BIN1: variants seen among roughly 807,000 people sequenced by gnomAD.
BIN1 encodes myc box-dependent-interacting protein 1.
Under a neutral mutation model 82.0 loss-of-function variants are expected in BIN1, and 53 were observed. That is an observed-to-expected ratio of 0.65 (90% CI 0.52 to 0.81). The LOEUF is 0.81. Among genes scored for constraint, BIN1 ranks in the 40% least tolerant of loss-of-function variants. The pLI is 0.00. For missense variants in BIN1, 642 were observed against 784.4 expected, an observed-to-expected ratio of 0.82 and a Z score of 2.17; for synonymous variants, 302 against 328.0, an observed-to-expected ratio of 0.92 and a Z score of 0.86.
At chr2:127,070,857 CA>C in intron 2 of BIN1, 41 bp from the exon 3 acceptor site, 1 of 1,579,016 alleles carries the variant, frequency 6.3e-7, no homozygotes, top group Non-Finnish European at 8.6e-7. Context: ...GGACTGGTGG[CA>C]CACCCAGTCC....
intron 2 of BIN1, among the ~76,000 whole-genome samples, chr2:127,074,293 AT>A (rs1686318262): frequency 6.6e-6 from 1 of 151,804 alleles, no homozygotes; most frequent in African/African-American, 2.4e-5. Flanking sequence ...ACACCCTGCC[AT>A]CCCCACACAC....
intron 1 of BIN1, among the ~76,000 whole-genome samples, chr2:127,087,091 TTC>T (rs1318510269): frequency 3.3e-5 from 5 of 152,234 alleles, no homozygotes; most frequent in African/African-American, 1.2e-4. Flanking sequence ...GTGTTGGGTT[TTC>T]TCTTTTACAT....
At chr2:127,078,147 G>A (rs1044008381) in intron 1 of BIN1, among the ~76,000 whole-genome samples, 3 of 152,246 alleles carry the variant, frequency 2.0e-5, no homozygotes, top group Non-Finnish European at 2.9e-5. Context: ...TTCCCACCCT[G>A]CCGGCCCTTG....
Position 127,062,111 on chromosome 2 carries a change from G to C in BIN1, c.857+4C>G, listed in dbSNP as rs61748156. 24 of 1,603,568 alleles carry C rather than the reference G, an allele frequency of 1.5e-5. No homozygotes were observed. The highest frequency in any genetic ancestry group is 2.0e-5 in the Non-Finnish European group (23 of 1,175,660). On this transcript the variant is annotated splice_donor_region_variant and intron_variant, in intron 10 of 18. Transcript: ENST00000316724. ...AGGGGCGCCAGGGCTCTCCCCGCAC[G>C]CACCTGGGCTGGGCCTTGACCGTGA...
chr2:127,104,438 G>A (rs1680760223), intron 1 of BIN1, among the ~76,000 whole-genome samples: 2 of 152,168 alleles, frequency 1.3e-5, no homozygotes, highest in African/African-American at 2.4e-5. Flanking sequence ...GCTGGAAGTG[G>A]ATGTGGGAAG....
In BIN1 at chr2:127,057,696, C is replaced by T. The variant is rs1406454475; in HGVS notation, c.1003-95G>A. 3.6e-6 allele frequency: 5 copies of T among 1,393,390 alleles called. No homozygotes were observed. Among genetic ancestry groups the T allele is most frequent in the Non-Finnish European group, 4.7e-6 (5 of 1,062,016 alleles). The allele number at this position is 1,393,390 out of a possible 1,614,324, so 86.3% of individuals were successfully genotyped here. On this transcript the variant is annotated intron_variant, in intron 11 of 18. Coordinates refer to ENST00000316724, the MANE Select transcript of BIN1 (RefSeq NM_139343.3). This position sits in a 1 kb window ranked among gnomAD's most constrained non-coding sequence, Gnocchi z 5.0. The stretch of plus-strand genomic sequence containing the variant: ...ACAGAGACAAAGCCACGGTTAGTCA[C>T]ACCTCAGGCCACAGTCCCACCCAGG...
At position 127,068,648 on chromosome 2, in the gene BIN1, C is replaced by A. The variant is rs1685469179; in HGVS notation, c.519+276G>T. 6.6e-6 allele frequency among the ~76,000 whole-genome samples: 1 copy of A among 152,146 alleles called. No individual in the cohort carries two copies. Among genetic ancestry groups the A allele is most frequent in the South Asian group, 2.1e-4 (1 of 4,830 alleles). On this transcript the variant is annotated intron_variant, in intron 6 of 18. Transcript: ENST00000316724. The surrounding 1 kb of genome is among the most constrained non-coding windows in gnomAD (Gnocchi z 4.9). The stretch of plus-strand genomic sequence containing the variant: ...GCTCGCCAGGCAGGGCGGCGCCGTT[C>A]CAGGGAAACCCAGGAGGCCCATTCT...
At chr2:127,091,032 A>C (rs907092911) in intron 1 of BIN1, among the ~76,000 whole-genome samples, 2 of 152,120 alleles carry the variant, frequency 1.3e-5, no homozygotes. Flanking sequence ...TTCCTTAATC[A>C]AAGTCCTCGG....
chr2:127,098,393 G>GC (rs1679874769), intron 1 of BIN1, among the ~76,000 whole-genome samples: 1 of 152,194 alleles, frequency 6.6e-6, no homozygotes, highest in African/African-American at 2.4e-5. Context: ...ACCAGACACT[G>GC]CGGCCTTCAC....
chr2:127,060,424 C>T (rs1218932251), intron 10 of BIN1, among the ~76,000 whole-genome samples: 5 of 152,172 alleles, frequency 3.3e-5, no homozygotes, highest in African/African-American at 1.2e-4. Flanking sequence ...CAGCCCGCCC[C>T]GCGCCGCCTC....
rs190026674 is a variant in BIN1, at chr2:127,085,803, C to T, written c.85-9097G>A. 7.8e-3 allele frequency among the ~76,000 whole-genome samples: 1,181 copies of T among 152,328 alleles called. 5 individuals carry two copies. Among genetic ancestry groups the T allele is most frequent in the Non-Finnish European group, 0.012 (820 of 68,022 alleles). On this transcript the variant is annotated intron_variant, in intron 1 of 18. Transcript: ENST00000316724. ...CCCTTCCCTAGCTCCTCTGTGCCCC[C>T]ATACCTGGGGCCCCCATGTCCCCTG...
intron 1 of BIN1, among the ~76,000 whole-genome samples, chr2:127,086,532 G>T (rs1678186180): frequency 7.1e-6 from 1 of 141,644 alleles, no homozygotes; most frequent in Admixed American, 7.3e-5. Context: ...TTTTAAGACA[G>T]AATCTCGCTC....
At chr2:127,065,571 A>ACC (rs1330677007) in intron 7 of BIN1, among the ~76,000 whole-genome samples, 1 of 152,146 alleles carries the variant, frequency 6.6e-6, no homozygotes, top group Admixed American at 6.5e-5. Context: ...TCAACTGCCA[A>ACC]CAGTGGGTCT....
At position 127,075,278 on chromosome 2, in the gene BIN1, T is replaced by G. The variant is rs564649703; in HGVS notation, c.165+1348A>C. ...AGATCTCTGTCAAACACAGCAGCTC[T>G]GGCCCATGGCCACAGCAACTCCCTA... On this transcript the variant is annotated intron_variant, in intron 2 of 18. Coordinates refer to ENST00000316724, the MANE Select transcript of BIN1 (RefSeq NM_139343.3). 4.6e-5 allele frequency among the ~76,000 whole-genome samples: 7 copies of G among 152,350 alleles called. No individual in the cohort carries two copies. In the East Asian group the frequency reaches 1.2e-3, roughly 25 times the overall value.
At chr2:127,070,178 C>G in intron 4 of BIN1, 88 bp from the exon 5 acceptor site, 1 of 1,092,564 alleles carries the variant, frequency 9.2e-7, no homozygotes, top group Non-Finnish European at 1.4e-6. Flanking sequence ...AGCCCCAGCC[C>G]CATCTCTTCA....
intron 1 of BIN1, among the ~76,000 whole-genome samples, chr2:127,089,325 C>G (rs1558870590): frequency 6.6e-6 from 1 of 152,138 alleles, no homozygotes; most frequent in East Asian, 1.9e-4. Context: ...TGAGCCAAGA[C>G]TTGATTTTGC....
chr2:127,104,542 C>T (rs944483058), intron 1 of BIN1, among the ~76,000 whole-genome samples: 6 of 152,202 alleles, frequency 3.9e-5, no homozygotes, highest in Non-Finnish European at 8.8e-5. Context: ...TCCTGCCATC[C>T]TTGCTCAGGA....
In BIN1 at chr2:127,106,944, C is replaced by G; in HGVS notation, c.-1G>C. On this transcript the variant is annotated 5_prime_UTR_variant, in exon 1 of 19. Coordinates refer to ENST00000316724, the MANE Select transcript of BIN1 (RefSeq NM_139343.3). ...CCCCTTTACTGCCCATCTCTGCCATCGCGGCGCAGGCCTCGCCCGGTGGCA... is the reference window on the plus strand; with the variant it reads ...CCCCTTTACTGCCCATCTCTGCCATGGCGGCGCAGGCCTCGCCCGGTGGCA... 5 of 1,611,026 alleles carry G rather than the reference C, an allele frequency of 3.1e-6. No individual in the cohort carries two copies. Among genetic ancestry groups the G allele is most frequent in the Non-Finnish European group, 4.2e-6 (5 of 1,179,124 alleles).
rs955197138 is a variant in BIN1, at chr2:127,072,201, G to A, written c.166-1385C>T. 1.4e-4 allele frequency among the ~76,000 whole-genome samples: 21 copies of A among 152,240 alleles called. 1 individual carries two copies. The highest frequency in any genetic ancestry group is 1.0e-3 in the Admixed American group (16 of 15,292). On this transcript the variant is annotated intron_variant, in intron 2 of 18. Transcript: ENST00000316724. ...CATCCATTCAGGTCCACCTCCAGGTGAAGGCCAGCAGGGACCCGGCCACAT... is the reference window on the plus strand; with the variant it reads ...CATCCATTCAGGTCCACCTCCAGGTAAAGGCCAGCAGGGACCCGGCCACAT...
Sources: gnomAD v4.1 joint callset for allele counts (sites outside exome capture counted in the v4.1 genomes callset) on GRCh38, gnomAD v4.1.1 for gene constraint, Gnocchi (gnomAD v3.1) non-coding constraint, MANE v1.5 for transcripts, NCBI Gene and HGNC (gene_info 2026-07-23, HGNC 2026-07-21) for gene names.